The following AMOT variants were observed in gnomAD, a reference collection of about 807,000 sequenced individuals.
AMOT encodes angiomotin.
In AMOT, 11 loss-of-function variants were observed where a neutral mutation model predicts 67.0. The observed-to-expected ratio is 0.16, with a 90% confidence interval of 0.10 to 0.27. The LOEUF (loss-of-function observed/expected upper bound fraction) is 0.27, where lower values mean the gene tolerates loss of function less well. Among genes scored for constraint, AMOT ranks in the 10% least tolerant of loss-of-function variants. AMOT has a pLI of 1.00. For synonymous variants in AMOT, 326 were observed against 321.4 expected, an observed-to-expected ratio of 1.01 and a Z score of -0.15; for missense variants, 753 against 852.0, an observed-to-expected ratio of 0.88 and a Z score of 1.45.
chrX:112,819,356 G>A (rs1278169572), intron 4 of AMOT: 3 of 752,599 alleles, frequency 4.0e-6, no homozygotes, highest in Admixed American at 8.7e-5. Context: ...GCTCTGCAAT[G>A]GTGAATCGGT....
chrX:112,795,134 G>A (rs1289183479), intron 8 of AMOT, among the ~76,000 whole-genome samples: 1 of 111,183 alleles, frequency 9.0e-6, no homozygotes, highest in African/African-American at 3.3e-5. Context: ...TTAGGAGAAA[G>A]AAATATTTTA....
intron 2 of AMOT, among the ~76,000 whole-genome samples, chrX:112,828,505 GC>G (rs1429866319): frequency 1.4e-3 from 7 of 4,947 alleles, no homozygotes; most frequent in African/African-American, 2.3e-3. Flanking sequence ...TTTCAAAGTA[GC>G]CTTTTTTTTT....
At chrX:112,803,123 A>T (rs614503) in intron 8 of AMOT, among the ~76,000 whole-genome samples, 32,427 of 110,331 alleles carry the variant, frequency 0.29, 6,632 homozygotes, top group African/African-American at 0.73. Flanking sequence ...AGAAATTTTT[A>T]AAAAACTTAA....
rs768805368 is a variant in AMOT at position 112,781,076 on chromosome X, C to G, written c.2283G>C (p.Met761Ile). The change falls in exon 12 of 14, where the codon ATG (methionine) becomes ATC (isoleucine). Residue 761 changes from methionine (M) to isoleucine (I), a missense_variant. Physicochemically the swap from Met to Ile is conservative, Grantham distance 10. Transcript: ENST00000371959. ...GGGAACGCTGCTGGAGTACTTTGAT[C>G]ATGGCATCCTTCTCAATAATCTGGG... The part of the protein sequence containing the change: ...LHAQIIEKDA[M>I]IKVLQQRSRK... The G allele has an allele frequency of 8.3e-7, 1 of 1,212,056 alleles. No individual in the cohort carries two copies. Among genetic ancestry groups the G allele is most frequent in the Non-Finnish European group, 1.1e-6 (1 of 895,627 alleles).
At chrX:112,812,465 C>T (rs1234825302) in intron 5 of AMOT, among the ~76,000 whole-genome samples, 1 of 111,364 alleles carries the variant, frequency 9.0e-6, no homozygotes, top group Non-Finnish European at 1.9e-5. Context: ...TGTTTTATGA[C>T]ACCCCTGCAA....
Position 112,780,967 on chromosome X carries a change from A to T in AMOT, c.2392T>A (p.Leu798Met), listed in dbSNP as rs377505847. 1.7e-6 allele frequency: 2 copies of T among 1,210,187 alleles called. No homozygotes were observed. The highest frequency in any genetic ancestry group is 3.5e-5 in the African/African-American group (2 of 57,204). Residue 798 changes from leucine to methionine, a missense_variant, in exon 12 of 14, where the codon TTG (leucine) becomes ATG (methionine). Transcript: ENST00000371959. Reference protein sequence around the residue: ...LMSISNAGSGLLSHSSTLTGS... With the variant: ...LMSISNAGSGMLSHSSTLTGS... Reference sequence around the variant, plus strand: ...GTCAGGGTGGATGAGTGGGAGAGCAAGCCTGATCCAGCATTGGAAATGGAC... The same window carrying T: ...GTCAGGGTGGATGAGTGGGAGAGCATGCCTGATCCAGCATTGGAAATGGAC...
chrX:112,835,189 G>A (rs1174053738), intron 1 of AMOT, among the ~76,000 whole-genome samples: 1 of 111,477 alleles, frequency 9.0e-6, no homozygotes, highest in Non-Finnish European at 1.9e-5. Context: ...TTGCTTCCCA[G>A]AAGGGTAACT....
rs952883009 is a variant in AMOT at position 112,781,238 on chromosome X, G to A, written c.2241-120C>T. The A allele has an allele frequency of 1.1e-4, 68 of 617,518 alleles. No homozygotes were observed. The Admixed American group carries it at 2.0e-3, about 18-fold the overall frequency. The allele number at this position is 617,518 out of a possible 1,213,427, so 50.9% of individuals were successfully genotyped here. ...GGGCGGATTGCAAAGTCAGGAGTTC[G>A]AGACCAGCCTGGCCAACATGGTGAA... On this transcript the variant is annotated intron_variant, in intron 11 of 13. Coordinates refer to ENST00000371959, the MANE Select transcript of AMOT (RefSeq NM_001113490.2).
At chrX:112,781,413 C>A (rs1933163751) in intron 11 of AMOT, among the ~76,000 whole-genome samples, 1 of 93,554 alleles carries the variant, frequency 1.1e-5, no homozygotes, top group South Asian at 5.6e-4. Context: ...GCACTCCAGC[C>A]TGGGTGACAG....
rs745765144 is a variant in AMOT at position 112,839,946 on chromosome X, A to C, written c.-289+506T>G. On this transcript the variant is annotated intron_variant, in intron 1 of 13. Transcript: ENST00000371959. ...CTACCACCACCACCACACATCTCAA[A>C]GAGTAGCCTTGTTTTAGATTACACA... Among the ~76,000 whole-genome samples, 5 of 111,552 alleles carry C rather than the reference A, an allele frequency of 4.5e-5. No individual in the cohort carries two copies. In the East Asian group the frequency reaches 1.4e-3, roughly 31 times the overall value.
intron 10 of AMOT, among the ~76,000 whole-genome samples, chrX:112,784,522 G>A (rs775422479): frequency 5.4e-5 from 6 of 112,122 alleles, no homozygotes; most frequent in African/African-American, 1.9e-4. Context: ...AAGAGTTCAA[G>A]GCTGCAGTCA....
At chrX:112,811,913 A>T (rs1034610949) in intron 5 of AMOT, among the ~76,000 whole-genome samples, 1 of 111,532 alleles carries the variant, frequency 9.0e-6, no homozygotes, top group African/African-American at 3.3e-5. Flanking sequence ...CCCAAGCTTC[A>T]TGAAGTAGTT....
intron 1 of AMOT, among the ~76,000 whole-genome samples, chrX:112,837,575 G>A (rs1213076957): frequency 1.8e-5 from 2 of 109,808 alleles, no homozygotes; most frequent in East Asian, 5.7e-4. Flanking sequence ...CCTTTCTCTG[G>A]GTTAAAAGGG....
chrX:112,823,102 T>C lies in AMOT; in HGVS notation c.25A>G (p.Ser9Gly). 4 of 1,158,340 alleles carry C rather than the reference T, an allele frequency of 3.5e-6. No homozygotes were observed. Among genetic ancestry groups the C allele is most frequent in the Non-Finnish European group, 4.6e-6 (4 of 867,458 alleles). MRNSEEQP[S>G]GGTTVLQRLL... ...CGCTGCAATACCGTGGTCCCTCCAC[T>C]TGGCTGTTCTTCAGAATTTCTCATC... is the stretch of plus-strand genomic sequence containing the variant. The change falls in exon 4 of 14, where the codon AGT becomes GGT. Residue 9 changes from serine to glycine, a missense_variant. Around this residue, in one of 5 missense-constraint regions of AMOT, gnomAD observed 118 missense variants for 125.9 expected, o/e 0.94. Coordinates refer to ENST00000371959, the MANE Select transcript of AMOT (RefSeq NM_001113490.2).
In AMOT at chrX:112,778,425, T is replaced by C. The variant is rs1389954437; in HGVS notation, c.*142A>G. ...TGTTCACATGGTATTACTCAAGTAG[T>C]ACATTGTTCCAATAAAAAGTCCTGT... On this transcript the variant is annotated 3_prime_UTR_variant, in exon 14 of 14. Transcript: ENST00000371959. 1 of 496,928 alleles carries C rather than the reference T, an allele frequency of 2.0e-6. No individual in the cohort carries two copies. Among genetic ancestry groups the C allele is most frequent in the Non-Finnish European group, 3.4e-6 (1 of 294,161 alleles). The allele number at this position is 496,928 out of a possible 1,213,427, so 41.0% of individuals were successfully genotyped here.
At chrX:112,798,165 T>C (rs914546635) in intron 8 of AMOT, among the ~76,000 whole-genome samples, 11 of 112,055 alleles carry the variant, frequency 9.8e-5, no homozygotes, top group African/African-American at 3.2e-4. Context: ...TGTCTTAAAA[T>C]TCTTCCAGGT....
At position 112,811,263 on chromosome X, in the gene AMOT, T is replaced by C; in HGVS notation, c.1523A>G (p.Asn508Ser). Residue 508 changes from asparagine (N) to serine (S), a missense_variant, in exon 6 of 14, where the codon AAC becomes AGC. By Grantham distance (46) the Asn-to-Ser change is conservative. Transcript: ENST00000371959. ...EGEIRRMHDF[N>S]RDLRERLETA... The stretch of plus-strand genomic sequence containing the variant: ...GGTTCCCTCACCTCTCAGATCCCTG[T>C]TGAAATCATGCATCCTCCGAATCTC... 8.3e-7 allele frequency: 1 copy of C among 1,211,373 alleles called. No individual in the cohort carries two copies. Among genetic ancestry groups the C allele is most frequent in the Non-Finnish European group, 1.1e-6 (1 of 895,264 alleles).
chrX:112,836,382 A>G (rs767092192), intron 1 of AMOT, among the ~76,000 whole-genome samples: 1 of 112,076 alleles, frequency 8.9e-6, no homozygotes, highest in East Asian at 2.8e-4. Context: ...GGGATTACTT[A>G]TTATATCCAT....
In AMOT at chrX:112,839,487, C is replaced by G. The variant is rs111937657; in HGVS notation, c.-289+965G>C. On this transcript the variant is annotated intron_variant, in intron 1 of 13. Transcript: ENST00000371959. The stretch of plus-strand genomic sequence containing the variant: ...TATTCATAAAAGTTTTAAACTGCCT[C>G]CCAACGTCCACTCTTCATGGCGGGG... Among the ~76,000 whole-genome samples the G allele has an allele frequency of 4.0e-3, 452 of 111,623 alleles. 3 individuals carry two copies. The highest frequency in any genetic ancestry group is 0.014 in the African/African-American group (439 of 30,639).
Sources: gnomAD v4.1 joint callset for allele counts (sites outside exome capture counted in the v4.1 genomes callset) on GRCh38, gnomAD v4.1.1 for gene constraint, gnomAD v4.1.1 regional missense constraint, MANE v1.5 for transcripts, NCBI Gene and HGNC (gene_info 2026-07-23, HGNC 2026-07-21) for gene names.